Variants in ADGRL2 observed in about 807,000 individuals in gnomAD.
ADGRL2 encodes calcium-independent alpha-latrotoxin receptor 2.
ADGRL2 carries 44 observed loss-of-function variants against 157.4 expected under a neutral mutation model. The ratio of observed to expected loss-of-function variants is 0.28; its 90% confidence interval spans 0.22 to 0.36. The LOEUF (loss-of-function observed/expected upper bound fraction) is 0.36. Among genes scored for constraint, ADGRL2 ranks in the 10% least tolerant of loss-of-function variants. The pLI, the probability that ADGRL2 is intolerant of heterozygous loss-of-function variation, is 1.00. For missense variants in ADGRL2, 1,510 were observed against 1,768.9 expected (o/e 0.85, Z 2.63); for synonymous variants, 585 against 624.7 (o/e 0.94, Z 0.95).
intron 3 of ADGRL2, among the ~76,000 whole-genome samples, chr1:81,692,067 A>C (rs960372124): frequency 6.6e-6 from 1 of 151,766 alleles, no homozygotes; most frequent in Non-Finnish European, 1.5e-5. Context: ...AGCCATTTTC[A>C]TATAGTATAC....
At chr1:81,380,931 C>T (rs918310627) in intron 1 of ADGRL2, among the ~76,000 whole-genome samples, 1 of 151,988 alleles carries the variant, frequency 6.6e-6, no homozygotes, top group East Asian at 1.9e-4. Context: ...GTGGAAACTA[C>T]ATGAAATATA....
intron 12 of ADGRL2, 39 bp downstream of exon 12, chr1:81,966,222 G>C: frequency 6.2e-7 from 1 of 1,612,420 alleles, no homozygotes; most frequent in Non-Finnish European, 8.5e-7. Context: ...AGTTTTTGTT[G>C]TTGTTCAAAA....
chr1:81,586,267 C>A (rs2148565596), intron 3 of ADGRL2: 1 of 152,062 alleles, frequency 6.6e-6, no homozygotes, highest in East Asian at 1.9e-4. Flanking sequence ...TCACCCATTT[C>A]CAAACAGAAG....
At chr1:81,641,785 G>C (rs1261918596) in intron 3 of ADGRL2, among the ~76,000 whole-genome samples, 1 of 151,838 alleles carries the variant, frequency 6.6e-6, no homozygotes, top group Non-Finnish European at 1.5e-5. Flanking sequence ...AAAATGAAGA[G>C]CAAATGAAAT....
intron 5 of ADGRL2, chr1:81,942,697 CA>C (rs1648491273): frequency 4.4e-6 from 2 of 453,292 alleles, no homozygotes; most frequent in Non-Finnish European, 8.2e-6. Flanking sequence ...GAAAACATAG[CA>C]AAAATTTAAA....
chr1:81,479,116 C>T (rs1437537271), intron 2 of ADGRL2, among the ~76,000 whole-genome samples: 6 of 151,982 alleles, frequency 3.9e-5, no homozygotes, highest in Non-Finnish European at 7.4e-5. Flanking sequence ...ATTTGTATAT[C>T]TCTTGGTTTT....
At chr1:81,401,164 G>A (rs575718990) in intron 1 of ADGRL2, among the ~76,000 whole-genome samples, 1 of 152,258 alleles carries the variant, frequency 6.6e-6, no homozygotes, top group South Asian at 2.1e-4. Flanking sequence ...GGAAGGTGGT[G>A]GCCAACATAC....
At chr1:81,855,970 T>C (rs1028886041) in intron 2 of ADGRL2, among the ~76,000 whole-genome samples, 21 of 152,168 alleles carry the variant, frequency 1.4e-4, no homozygotes, top group African/African-American at 4.8e-4. Context: ...ATATAGTTTG[T>C]TCGTGGTAAG....
intron 1 of ADGRL2, among the ~76,000 whole-genome samples, chr1:81,408,718 C>T (rs890393389): frequency 2.0e-5 from 3 of 152,154 alleles, no homozygotes; most frequent in African/African-American, 7.2e-5. Context: ...AATGCACAAA[C>T]TATAATGGAT....
chr1:81,956,962 A>G (rs1184997559), intron 11 of ADGRL2, among the ~76,000 whole-genome samples: 1 of 152,212 alleles, frequency 6.6e-6, no homozygotes, highest in Non-Finnish European at 1.5e-5. Flanking sequence ...AAAAATGCAG[A>G]TCAAAGGGGT....
intron 3 of ADGRL2, among the ~76,000 whole-genome samples, chr1:81,923,684 T>G (rs1162246581): frequency 6.6e-6 from 1 of 152,174 alleles, no homozygotes; most frequent in East Asian, 1.9e-4. Flanking sequence ...AAACCTTCAG[T>G]AAAATACGGA....
chr1:81,836,056 AG>A (rs1229625094), intron 1 of ADGRL2, among the ~76,000 whole-genome samples: 1 of 152,088 alleles, frequency 6.6e-6, no homozygotes, highest in African/African-American at 2.4e-5. Flanking sequence ...AAAAGTTATC[AG>A]GAAAATTTTG....
chr1:81,787,124 C>T lies in ADGRL2; in HGVS notation c.-101+25272C>T, dbSNP rs151002051. Among the ~76,000 whole-genome samples, 500 of 152,216 alleles carry T rather than the reference C, an allele frequency of 3.3e-3. 4 individuals carry two copies. The highest frequency in any genetic ancestry group is 0.011 in the African/African-American group (476 of 41,534). ...CATGTAAGAAGTGCCTTTCACCTCC[C>T]GCCATGATTCTGAAGCCTCCCCCGC... On this transcript the variant is annotated intron_variant, in intron 2 of 20. Transcript: ENST00000359929.
chr1:81,517,464 C>CAAAAAAAAA (rs397956551), intron 2 of ADGRL2, among the ~76,000 whole-genome samples: 1 of 45,266 alleles, frequency 2.2e-5, no homozygotes, highest in African/African-American at 8.1e-5. Flanking sequence ...GACTCCCTCT[C>CAAAAAAAAA]AAAAAAAAAA....
intron 19 of ADGRL2, among the ~76,000 whole-genome samples, chr1:81,983,621 A>T (rs1216291439): frequency 6.6e-6 from 1 of 151,910 alleles, no homozygotes; most frequent in Non-Finnish European, 1.5e-5. Flanking sequence ...ATATTTTCTT[A>T]TGCAGTTTCT....
intron 1 of ADGRL2, among the ~76,000 whole-genome samples, chr1:81,377,672 T>A (rs755014268): frequency 1.3e-4 from 20 of 152,172 alleles, no homozygotes; most frequent in Admixed American, 3.9e-4. Flanking sequence ...TTGTGTGACA[T>A]GTTGTGATTG....
chr1:81,502,445 C>T, intron 2 of ADGRL2: 10 of 1,614,040 alleles, frequency 6.2e-6, no homozygotes, highest in Non-Finnish European at 8.5e-6. Flanking sequence ...GAAAGAGTTC[C>T]TGGATGACCT....
intron 1 of ADGRL2, among the ~76,000 whole-genome samples, chr1:81,760,653 C>T (rs1017193384): frequency 6.6e-6 from 1 of 151,628 alleles, no homozygotes; most frequent in East Asian, 1.9e-4. Flanking sequence ...AAAGCTGCCA[C>T]ATTTGAGCTT....
At chr1:81,383,983 A>AAAAG (rs2101067542) in intron 1 of ADGRL2, among the ~76,000 whole-genome samples, 1 of 148,724 alleles carries the variant, frequency 6.7e-6, no homozygotes, top group African/African-American at 2.5e-5. Context: ...GAAAAGAAAA[A>AAAAG]AAAGAAAAAA....
Sources: gnomAD v4.1 joint callset for allele counts (sites outside exome capture counted in the v4.1 genomes callset) on GRCh38, gnomAD v4.1.1 for gene constraint, MANE v1.5 for transcripts, NCBI Gene and HGNC (gene_info 2026-07-23, HGNC 2026-07-21) for gene names.